Variants in MERTK observed in about 807,000 individuals in gnomAD.
MERTK encodes MER proto-oncogene, tyrosine kinase.
In MERTK, 69 loss-of-function variants were observed where a neutral mutation model predicts 99.3. That is an observed-to-expected ratio of 0.70 (90% CI 0.57 to 0.85). MERTK has a LOEUF of 0.85. MERTK is among the 40% of genes least tolerant of loss of function. The probability of loss-of-function intolerance (pLI) is 0.00; values close to 1 mark genes in which losing one functional copy is unlikely to be tolerated. For synonymous variants in MERTK, 426 were observed against 467.6 expected (o/e 0.91, Z 1.15); for missense variants, 1,125 against 1,249.4 (o/e 0.90, Z 1.50).
At chr2:111,989,289 C>A (rs1040294890) in intron 8 of MERTK, among the ~76,000 whole-genome samples, 1 of 151,740 alleles carries the variant, frequency 6.6e-6, no homozygotes, top group Non-Finnish European at 1.5e-5. Flanking sequence ...GAGACAGAAA[C>A]TTTTATCTCA....
intron 7 of MERTK, among the ~76,000 whole-genome samples, chr2:111,976,555 T>C (rs949229486): frequency 6.7e-6 from 1 of 148,344 alleles, no homozygotes; most frequent in Non-Finnish European, 1.5e-5. Context: ...TGTGTGTGTG[T>C]GTGTGTGTGT....
intron 6 of MERTK, among the ~76,000 whole-genome samples, chr2:111,969,419 GGTACTTAATCATACA>G (rs750306651): frequency 1.6e-4 from 24 of 152,210 alleles, no homozygotes; most frequent in Non-Finnish European, 2.8e-4. Context: ...CATCCTGCCT[GGTACTTAATCATACA>G]GTAGGGTCAG....
intron 14 of MERTK, 115 bp downstream of exon 14, chr2:112,008,590 AC>A (rs1329586666): frequency 3.7e-6 from 3 of 816,640 alleles, no homozygotes; most frequent in Non-Finnish European, 6.5e-6. Context: ...CCCCAACATA[AC>A]TTATAACATT....
intron 2 of MERTK, among the ~76,000 whole-genome samples, chr2:111,929,753 A>ATTTTTTTT (rs72180817): frequency 7.0e-6 from 1 of 143,228 alleles, no homozygotes; most frequent in African/African-American, 2.6e-5. Flanking sequence ...CACCCAGCTA[A>ATTTTTTTT]TTTTTTTTTT....
Position 111,905,260 on chromosome 2 carries a change from C to T in MERTK, c.61+6464C>T, listed in dbSNP as rs181505502. ...GACAGCCATCCCTTCATGGGAGCTG[C>T]CACATTTTCACTCTCGGGGCCTCTG... On this transcript the variant is annotated intron_variant, in intron 1 of 18. Transcript: ENST00000295408. 3.6e-3 allele frequency among the ~76,000 whole-genome samples: 553 copies of T among 152,142 alleles called. 3 individuals are homozygous for T. The highest frequency in any genetic ancestry group is 0.013 in the African/African-American group (534 of 41,494).
At chr2:111,898,884 G>A in intron 1 of MERTK, 88 bp downstream of exon 1, 1 of 1,352,058 alleles carries the variant, frequency 7.4e-7, no homozygotes, top group South Asian at 1.4e-5. Context: ...CGTCCACAGG[G>A]GCGCGCCTGG....
chr2:111,957,755 CAAGTT>C (rs762925960), intron 4 of MERTK, among the ~76,000 whole-genome samples: 1 of 152,058 alleles, frequency 6.6e-6, no homozygotes, highest in Non-Finnish European at 1.5e-5. Flanking sequence ...TAGAGAGGTC[CAAGTT>C]AAGAAGCTAC....
At chr2:112,021,161 C>G (rs911024726) in intron 16 of MERTK, among the ~76,000 whole-genome samples, 1 of 152,060 alleles carries the variant, frequency 6.6e-6, no homozygotes, top group Non-Finnish European at 1.5e-5. Context: ...GATCATGCCA[C>G]TGCACACCAG....
intron 15 of MERTK, chr2:112,015,752 A>T (rs1223564721): frequency 6.5e-6 from 1 of 153,774 alleles, no homozygotes; most frequent in Non-Finnish European, 1.5e-5. Context: ...CCTAACCCCT[A>T]GTAAAAAGAT....
At chr2:111,917,051 T>G (rs1684364131) in intron 1 of MERTK, among the ~76,000 whole-genome samples, 1 of 152,156 alleles carries the variant, frequency 6.6e-6, no homozygotes, top group South Asian at 2.1e-4. Context: ...CTTCCCCACC[T>G]GGCCTCCCCA....
At chr2:111,974,226 TAAAAAAAAAAAA>T (rs71385852) in intron 6 of MERTK, among the ~76,000 whole-genome samples, 1 of 58,164 alleles carries the variant, frequency 1.7e-5, no homozygotes, top group Non-Finnish European at 3.1e-5. Context: ...CCACCTCTAC[TAAAAAAAAAAAA>T]AAAAAAAAAA....
chr2:112,026,034 T>C (rs1284802585), intron 18 of MERTK: 1 of 153,382 alleles, frequency 6.5e-6, no homozygotes, highest in Non-Finnish European at 1.5e-5. Flanking sequence ...AAAATGACCA[T>C]TTACAAAAGC....
intron 2 of MERTK, among the ~76,000 whole-genome samples, chr2:111,937,029 G>A (rs1402906333): frequency 6.6e-6 from 1 of 152,028 alleles, no homozygotes; most frequent in Non-Finnish European, 1.5e-5. Flanking sequence ...TTGTGGTGAG[G>A]GGAAAGTATT....
intron 6 of MERTK, among the ~76,000 whole-genome samples, chr2:111,972,087 A>G (rs919927990): frequency 6.6e-6 from 1 of 152,076 alleles, no homozygotes; most frequent in East Asian, 1.9e-4. Context: ...CTGGAATGCA[A>G]TGGCACAGTC....
intron 4 of MERTK, among the ~76,000 whole-genome samples, chr2:111,962,026 G>A (rs1345912144): frequency 1.3e-5 from 2 of 152,068 alleles, no homozygotes; most frequent in Admixed American, 6.5e-5. Flanking sequence ...ATATCTGATG[G>A]AAAATTTCCT....
At chr2:111,909,556 A>C (rs1383827348) in intron 1 of MERTK, among the ~76,000 whole-genome samples, 5 of 152,206 alleles carry the variant, frequency 3.3e-5, no homozygotes, top group African/African-American at 4.8e-5. Context: ...ATTCACTTAG[A>C]TTAAGTACAT....
intron 1 of MERTK, 99 bp downstream of exon 1, chr2:111,898,895 C>T: frequency 7.7e-7 from 1 of 1,291,100 alleles, no homozygotes; most frequent in Non-Finnish European, 1.1e-6. Flanking sequence ...GCGCGCCTGG[C>T]TGCTGGACAA....
At position 111,929,391 on chromosome 2, in the gene MERTK, C is replaced by T. The variant is rs1409905689; in HGVS notation, c.333C>T (p.Val111=). 1.9e-6 allele frequency: 3 copies of T among 1,614,070 alleles called. No individual in the cohort carries two copies. Among genetic ancestry groups the T allele is most frequent in the Non-Finnish European group, 1.7e-6 (2 of 1,180,026 alleles). ...GHIILSEHKG[V]KFNCSISVPN... ...TAATACTTTCTGAACATAAAGGTGT[C>T]AAATTTAATTGCTCAATCAGTGTAC... is the stretch of plus-strand genomic sequence containing the variant. The change falls in exon 2 of 19, where the codon GTC becomes GTT. Residue 111 remains valine (V), a synonymous_variant. Transcript: ENST00000295408.
chr2:112,013,192 T>C (rs1677142539), intron 15 of MERTK: 2 of 153,844 alleles, frequency 1.3e-5, no homozygotes, highest in African/African-American at 2.4e-5. Flanking sequence ...CCAACATGAG[T>C]ACTAACCGTA....
Sources: allele counts gnomAD v4.1 joint callset (sites outside exome capture counted in the v4.1 genomes callset), GRCh38; gene constraint gnomAD v4.1.1; transcripts MANE v1.5; gene names NCBI Gene and HGNC (gene_info 2026-07-23, HGNC 2026-07-21).